ZNRF1: variants seen among roughly 807,000 people sequenced by gnomAD.
ZNRF1 encodes the protein zinc and ring finger 1, also known as E3 ubiquitin-protein ligase ZNRF1.
In ZNRF1, 3 loss-of-function variants were observed where a neutral mutation model predicts 18.4. The ratio of observed to expected loss-of-function variants is 0.16; its 90% CI spans 0.07 to 0.42. The LOEUF (loss-of-function observed/expected upper bound fraction) is 0.42. Ranked by LOEUF, ZNRF1 falls within the 10% of genes least tolerant of loss-of-function variation. The pLI, the probability that ZNRF1 is intolerant of heterozygous loss-of-function variation, is 0.99. For synonymous variants in ZNRF1, 157 were observed against 144.2 expected (o/e 1.09, Z -0.64); for missense variants, 310 against 329.8 (o/e 0.94, Z 0.47).
chr16:75,071,275 T>C (rs2035866907), intron 1 of ZNRF1, among the ~76,000 whole-genome samples: 1 of 152,166 alleles, frequency 6.6e-6, no homozygotes, highest in Non-Finnish European at 1.5e-5. Flanking sequence ...AATTTTTGTA[T>C]TTTTAGTAGA....
At chr16:75,095,699 C>G (rs929202291) in intron 2 of ZNRF1, 2 of 1,549,192 alleles carry the variant, frequency 1.3e-6, no homozygotes. Flanking sequence ...CTCTTGGGCC[C>G]CCATGGCCCA....
At chr16:75,005,825 T>C (rs796161529) in intron 1 of ZNRF1, among the ~76,000 whole-genome samples, 5 of 152,220 alleles carry the variant, frequency 3.3e-5, no homozygotes, top group African/African-American at 1.2e-4. Flanking sequence ...AGTACAGTCA[T>C]GCATTGCTTA....
At chr16:75,055,055 A>C (rs887693915) in intron 1 of ZNRF1, among the ~76,000 whole-genome samples, 2 of 152,220 alleles carry the variant, frequency 1.3e-5, no homozygotes, top group African/African-American at 2.4e-5. Context: ...TGTAACAGGC[A>C]GACTGGGTGG....
chr16:75,032,974 C>G (rs2035325890), intron 1 of ZNRF1, among the ~76,000 whole-genome samples: 1 of 152,144 alleles, frequency 6.6e-6, no homozygotes, highest in Non-Finnish European at 1.5e-5. Flanking sequence ...AAGCATGCTG[C>G]TGCACTCCAT....
At chr16:75,099,635 A>G (rs1029005403) in intron 2 of ZNRF1, among the ~76,000 whole-genome samples, 1 of 152,178 alleles carries the variant, frequency 6.6e-6, no homozygotes, top group Admixed American at 6.5e-5. Flanking sequence ...GATGGCAGAA[A>G]GTTTGGCTTT....
At chr16:75,040,281 G>T (rs1406024899) in intron 1 of ZNRF1, among the ~76,000 whole-genome samples, 1 of 151,584 alleles carries the variant, frequency 6.6e-6, no homozygotes, top group Non-Finnish European at 1.5e-5. Context: ...TAAAACAAGG[G>T]CGTCACTCTG....
At chr16:75,003,259 G>A (rs2034876581) in intron 1 of ZNRF1, among the ~76,000 whole-genome samples, 1 of 152,182 alleles carries the variant, frequency 6.6e-6, no homozygotes, top group Admixed American at 6.5e-5. Context: ...ACTGCGCCCT[G>A]CACCTTAATC....
intron 2 of ZNRF1, among the ~76,000 whole-genome samples, chr16:75,099,500 C>T (rs1301839416): frequency 6.6e-6 from 1 of 152,154 alleles, no homozygotes; most frequent in Non-Finnish European, 1.5e-5. Context: ...GCACTGACAC[C>T]ATCCCCAGCC....
At chr16:75,017,805 G>C (rs2035091312) in intron 1 of ZNRF1, among the ~76,000 whole-genome samples, 1 of 152,196 alleles carries the variant, frequency 6.6e-6, no homozygotes, top group Non-Finnish European at 1.5e-5. Flanking sequence ...GTTGGCATCA[G>C]GATGACACAA....
Position 75,062,569 on chromosome 16 carries a change from C to CG in ZNRF1, c.425-31000dup, listed in dbSNP as rs554225932. Among the ~76,000 whole-genome samples the CG allele has an allele frequency of 3.9e-5, 6 of 152,364 alleles. No individual in the cohort carries two copies. The South Asian group carries it at 1.2e-3, about 32-fold the overall frequency. On this transcript the variant is annotated intron_variant, in intron 1 of 4. Coordinates refer to ENST00000335325, the MANE Select transcript of ZNRF1 (RefSeq NM_032268.5). ...CATCTATGTGTGTAGCAGGATCACC[C>CG]GGGAGGAGCAGGGACGCCCCCTTAT...
intron 1 of ZNRF1, among the ~76,000 whole-genome samples, chr16:75,072,523 CAGTCCAGTGCCTGACACAGAG>C (rs1472666224): frequency 6.6e-6 from 1 of 152,176 alleles, no homozygotes; most frequent in Admixed American, 6.5e-5. Flanking sequence ...GTTCAGTGTC[CAGTCCAGTGCCTGACACAGAG>C]TAACCTGCAG....
rs190358406 is a variant in ZNRF1 at position 75,098,203 on chromosome 16, A to G, written c.520+4536A>G. On this transcript the variant is annotated intron_variant, in intron 2 of 4. Coordinates refer to ENST00000335325, the MANE Select transcript of ZNRF1 (RefSeq NM_032268.5). ...GCTGACCGGCTGCACTGACTGCCAG[A>G]CTGGCCGCTGCTGGGTGTATGAGGA... 2.6e-3 allele frequency among the ~76,000 whole-genome samples: 391 copies of G among 152,346 alleles called. 3 individuals are homozygous for G. The highest frequency in any genetic ancestry group is 5.0e-3 in the Admixed American group (76 of 15,298).
At chr16:75,050,725 G>C (rs551339405) in intron 1 of ZNRF1, among the ~76,000 whole-genome samples, 1 of 151,472 alleles carries the variant, frequency 6.6e-6, no homozygotes, top group East Asian at 2.0e-4. Context: ...AGAAAAATTA[G>C]CTGGGCATGG....
intron 1 of ZNRF1, among the ~76,000 whole-genome samples, chr16:75,089,153 A>G (rs2036107427): frequency 6.6e-6 from 1 of 151,392 alleles, no homozygotes; most frequent in Non-Finnish European, 1.5e-5. Flanking sequence ...GCCAGGCTGG[A>G]GTGTAGTGGC....
chr16:75,014,873 A>G (rs906191090), intron 1 of ZNRF1, among the ~76,000 whole-genome samples: 4 of 151,954 alleles, frequency 2.6e-5, no homozygotes, highest in African/African-American at 9.7e-5. Flanking sequence ...TTTATTTGTT[A>G]TTTATATATT....
chr16:75,064,971 C>T (rs548153608), intron 1 of ZNRF1, among the ~76,000 whole-genome samples: 1 of 152,308 alleles, frequency 6.6e-6, no homozygotes, highest in South Asian at 2.1e-4. Context: ...GGTTGCAAAC[C>T]TGGTCCTGCA....
intron 1 of ZNRF1, among the ~76,000 whole-genome samples, chr16:75,060,522 G>A (rs1433085173): frequency 7.6e-6 from 1 of 132,122 alleles, no homozygotes; most frequent in Non-Finnish European, 1.6e-5. Context: ...CTGTCGCCCA[G>A]GCTTGGAGTG....
Position 75,104,866 on chromosome 16 carries a change from C to A in ZNRF1, c.603C>A (p.Pro201=). The change falls in exon 3 of 5, where the codon CCC becomes CCA. Residue 201 remains proline, a synonymous_variant. Transcript: ENST00000335325. ...AGGGGGACACGATAGCCAGGCTGCC[C>A]TGCCTGTGCATCTATCACAAAAGGT... ...LLQGDTIARL[P]CLCIYHKSCI... is the part of the protein sequence containing the mutation. The A allele has an allele frequency of 6.2e-7, 1 of 1,607,238 alleles. No individual in the cohort carries two copies. The highest frequency in any genetic ancestry group is 8.5e-7 in the Non-Finnish European group (1 of 1,177,548).
rs530216793 is a variant in ZNRF1, at chr16:75,051,322, C to G, written c.425-42250C>G. On this transcript the variant is annotated intron_variant, in intron 1 of 4. Coordinates refer to ENST00000335325, the MANE Select transcript of ZNRF1 (RefSeq NM_032268.5). ...TCCCGGGTTCAAGCAATTCTCCTGCCTCAGCATCTCGAGTAGCTGGGATTA... is the reference window on the plus strand; with the variant it reads ...TCCCGGGTTCAAGCAATTCTCCTGCGTCAGCATCTCGAGTAGCTGGGATTA... 3.4e-4 allele frequency among the ~76,000 whole-genome samples: 51 copies of G among 152,162 alleles called. 1 individual carries two copies. The East Asian group carries it at 9.9e-3, about 29-fold the overall frequency.
Sources: gnomAD v4.1 joint callset for allele counts (sites outside exome capture counted in the v4.1 genomes callset) on GRCh38, gnomAD v4.1.1 for gene constraint, MANE v1.5 for transcripts, NCBI Gene and HGNC (gene_info 2026-07-23, HGNC 2026-07-21) for gene names.